The following RARB variants were observed in gnomAD, a reference collection of about 807,000 sequenced individuals.
RARB encodes HBV-activated protein.
Under a neutral mutation model 51.9 loss-of-function variants are expected in RARB, and 17 were observed. The ratio of observed to expected loss-of-function variants is 0.33; its 90% CI spans 0.22 to 0.49. The LOEUF (loss-of-function observed/expected upper bound fraction) is 0.49. Among genes scored for constraint, RARB ranks in the 20% least tolerant of loss-of-function variants. The probability of loss-of-function intolerance (pLI) is 0.99; values close to 1 mark genes in which losing one functional copy is unlikely to be tolerated. For missense variants in RARB, 369 were observed against 550.8 expected, an observed-to-expected ratio of 0.67 and a Z score of 3.30; for synonymous variants, 215 against 195.4, an observed-to-expected ratio of 1.10 and a Z score of -0.84.
intron 5 of RARB, among the ~76,000 whole-genome samples, chr3:25,420,167 A>G (rs969352448): frequency 6.6e-6 from 1 of 152,044 alleles, no homozygotes; most frequent in Non-Finnish European, 1.5e-5. Context: ...TTTCACAGGG[A>G]TTTCTATCTG....
chr3:24,932,114 T>A (rs1337362100), intron 2 of RARB, among the ~76,000 whole-genome samples: 1 of 152,118 alleles, frequency 6.6e-6, no homozygotes, highest in Non-Finnish European at 1.5e-5. Flanking sequence ...TTGATTTGTT[T>A]ACCTAGTCCA....
chr3:25,176,326 TTTCTTTCTTTCCTTCCTTCCTTCCTTCC>T (rs2125354378), intron 5 of RARB, among the ~76,000 whole-genome samples: 1 of 46,010 alleles, frequency 2.2e-5, no homozygotes, highest in African/African-American at 6.9e-5. Context: ...TCTTTCTTTC[TTTCTTTCTTTCCTTCCTTCCTTCCTTCC>T]TTCCTTCCTT....
At chr3:25,516,021 C>G (rs1698145855) in intron 3 of RARB, among the ~76,000 whole-genome samples, 1 of 152,204 alleles carries the variant, frequency 6.6e-6, no homozygotes, top group African/African-American at 2.4e-5. Flanking sequence ...GTTTTAACAT[C>G]TTGGCATTTT....
At chr3:25,556,965 T>C (rs1010489814) in intron 3 of RARB, among the ~76,000 whole-genome samples, 1 of 152,246 alleles carries the variant, frequency 6.6e-6, no homozygotes, top group Non-Finnish European at 1.5e-5. Context: ...GTTATTATTT[T>C]CTCATAGTAA....
intron 3 of RARB, among the ~76,000 whole-genome samples, chr3:25,531,364 ATAGATAGG>A (rs1208985703): frequency 7.2e-6 from 1 of 139,594 alleles, no homozygotes; most frequent in Non-Finnish European, 1.5e-5. Context: ...CGATATACAG[ATAGATAGG>A]TAGATAGATA....
chr3:25,354,848 G>T (rs746931878), intron 5 of RARB, among the ~76,000 whole-genome samples: 2 of 151,400 alleles, frequency 1.3e-5, no homozygotes, highest in Non-Finnish European at 2.9e-5. Context: ...GGGAAAAGGA[G>T]GAATTTTGAA....
intron 4 of RARB, among the ~76,000 whole-genome samples, chr3:25,142,772 G>C (rs1700129746): frequency 6.6e-6 from 1 of 152,010 alleles, no homozygotes; most frequent in African/African-American, 2.4e-5. Context: ...TCAGCAAATG[G>C]GCTGCAATCT....
At chr3:25,577,919 C>A (rs1389037074) in intron 4 of RARB, among the ~76,000 whole-genome samples, 2 of 152,232 alleles carry the variant, frequency 1.3e-5, no homozygotes, top group Non-Finnish European at 2.9e-5. Context: ...GCTCCTGTAG[C>A]CCCTGCCGAA....
intron 2 of RARB, among the ~76,000 whole-genome samples, chr3:25,466,472 A>G (rs1695438481): frequency 6.6e-6 from 1 of 152,232 alleles, no homozygotes; most frequent in Non-Finnish European, 1.5e-5. Flanking sequence ...CTGGGATTAC[A>G]GGCGTGAGCC....
In RARB at chr3:25,196,051, C is replaced by T. The variant is rs182699159; in HGVS notation, c.178+21476C>T. 1.2e-3 allele frequency among the ~76,000 whole-genome samples: 181 copies of T among 151,910 alleles called. 1 individual carries two copies. Among genetic ancestry groups the T allele is most frequent in the African/African-American group, 4.3e-3 (180 of 41,476 alleles). ...TGTATCTATAGGTTATCAAGTATCT[C>T]ATTAATAGAATCAGCTCTAAAATTT... On this transcript the variant is annotated intron_variant, in intron 5 of 11. Transcript: ENST00000383772.
chr3:25,487,310 C>T (rs1479886803), intron 2 of RARB, among the ~76,000 whole-genome samples: 1 of 152,192 alleles, frequency 6.6e-6, no homozygotes, highest in Non-Finnish European at 1.5e-5. Flanking sequence ...TTCTCTGTTC[C>T]TCAGCGTGCG....
At chr3:25,571,845 C>A (rs1426937704) in intron 4 of RARB, among the ~76,000 whole-genome samples, 1 of 152,158 alleles carries the variant, frequency 6.6e-6, no homozygotes, top group South Asian at 2.1e-4. Context: ...AAATATCTAC[C>A]CAGCAGTGGA....
At chr3:25,334,628 T>A (rs569688790) in intron 5 of RARB, among the ~76,000 whole-genome samples, 6 of 152,200 alleles carry the variant, frequency 3.9e-5, no homozygotes, top group Non-Finnish European at 8.8e-5. Flanking sequence ...TGTATACATA[T>A]GTAACAAACC....
intron 3 of RARB, among the ~76,000 whole-genome samples, chr3:25,119,300 A>T (rs1373583449): frequency 6.6e-6 from 1 of 152,114 alleles, no homozygotes; most frequent in Admixed American, 6.6e-5. Flanking sequence ...TAAGGAGAAT[A>T]TGCTTTGAAA....
At chr3:25,509,361 C>G (rs1185196387) in intron 3 of RARB, among the ~76,000 whole-genome samples, 1 of 152,200 alleles carries the variant, frequency 6.6e-6, no homozygotes, top group Non-Finnish European at 1.5e-5. Context: ...GCTACTGCTT[C>G]TTTTGGTGAC....
At chr3:25,332,266 G>A (rs1340749275) in intron 5 of RARB, among the ~76,000 whole-genome samples, 2 of 152,184 alleles carry the variant, frequency 1.3e-5, no homozygotes, top group Middle Eastern at 3.4e-3. Flanking sequence ...CATCGATGCA[G>A]AAATCCTCAA....
intron 2 of RARB, among the ~76,000 whole-genome samples, chr3:24,988,015 CAGTA>C (rs1423890996): frequency 6.6e-6 from 1 of 151,592 alleles, no homozygotes; most frequent in African/African-American, 2.4e-5. Context: ...GAACATTTTA[CAGTA>C]AGTAACAGAG....
At chr3:24,887,652 T>TC (rs1162701816) in intron 2 of RARB, among the ~76,000 whole-genome samples, 1 of 152,222 alleles carries the variant, frequency 6.6e-6, no homozygotes, top group Non-Finnish European at 1.5e-5. Context: ...CTCTCACAGC[T>TC]CCTCCTGCTA....
At chr3:25,078,435 T>A (rs927781722) in intron 3 of RARB, among the ~76,000 whole-genome samples, 2 of 152,198 alleles carry the variant, frequency 1.3e-5, no homozygotes, top group African/African-American at 2.4e-5. Flanking sequence ...TTCTATTTTT[T>A]AATTTTCTAT....
Sources: gnomAD v4.1 joint callset for allele counts (sites outside exome capture counted in the v4.1 genomes callset) on GRCh38, gnomAD v4.1.1 for gene constraint, MANE v1.5 for transcripts, NCBI Gene and HGNC (gene_info 2026-07-23, HGNC 2026-07-21) for gene names.